The following SPAG16 variants were observed in gnomAD, a reference collection of about 807,000 sequenced individuals.
SPAG16 encodes the protein sperm associated antigen 16.
In SPAG16, 86 loss-of-function variants were observed where a neutral mutation model predicts 80.4. The ratio of observed to expected loss-of-function variants is 1.07; its 90% CI spans 0.90 to 1.28. SPAG16 has a LOEUF of 1.28. SPAG16 is among the 50% of genes most tolerant of loss of function. SPAG16 has a pLI of 0.00. For missense variants in SPAG16, 870 were observed against 765.3 expected, an observed-to-expected ratio of 1.14 and a Z score of -1.61; for synonymous variants, 294 against 265.9, an observed-to-expected ratio of 1.11 and a Z score of -1.03.
At chr2:214,319,324 A>T (rs1264648141) in intron 15 of SPAG16, among the ~76,000 whole-genome samples, 1 of 152,122 alleles carries the variant, frequency 6.6e-6, no homozygotes, top group Non-Finnish European at 1.5e-5. Context: ...ATGCACTAAG[A>T]GACGCAGAGA....
chr2:213,849,604 T>C (rs1190867233), intron 10 of SPAG16, among the ~76,000 whole-genome samples: 1 of 152,232 alleles, frequency 6.6e-6, no homozygotes, highest in Non-Finnish European at 1.5e-5. Context: ...AAGTGAATTC[T>C]ATACTATACC....
intron 15 of SPAG16, among the ~76,000 whole-genome samples, chr2:214,332,145 G>T (rs1169798639): frequency 1.3e-5 from 2 of 152,134 alleles, no homozygotes; most frequent in African/African-American, 4.8e-5. Context: ...CCAGCTAGTT[G>T]GGAGGCTGAA....
chr2:214,122,153 A>T (rs961294404), intron 14 of SPAG16, among the ~76,000 whole-genome samples: 1 of 151,790 alleles, frequency 6.6e-6, no homozygotes, highest in Admixed American at 6.6e-5. Flanking sequence ...TAAACTTGCC[A>T]TACATATTTT....
intron 12 of SPAG16, among the ~76,000 whole-genome samples, chr2:213,939,475 G>T (rs948581189): frequency 3.3e-5 from 5 of 152,178 alleles, no homozygotes; most frequent in African/African-American, 1.2e-4. Context: ...GTGAATCCTA[G>T]TTCTCTATTA....
At chr2:214,151,460 G>A (rs529929822) in intron 15 of SPAG16, among the ~76,000 whole-genome samples, 2 of 152,048 alleles carry the variant, frequency 1.3e-5, no homozygotes, top group Admixed American at 6.6e-5. Context: ...TTAAAGAGAA[G>A]TGTAACAAAA....
chr2:214,088,333 T>C (rs1318885513), intron 13 of SPAG16, among the ~76,000 whole-genome samples: 1 of 142,028 alleles, frequency 7.0e-6, no homozygotes, highest in African/African-American at 2.5e-5. Context: ...CATCTGCATA[T>C]GCAGTTTGAA....
intron 10 of SPAG16, among the ~76,000 whole-genome samples, chr2:213,713,963 A>T (rs1180448383): frequency 6.6e-6 from 1 of 152,214 alleles, no homozygotes; most frequent in African/African-American, 2.4e-5. Flanking sequence ...AAGAACAATG[A>T]TAACAAACTA....
At chr2:214,199,980 T>C (rs1287238396) in intron 15 of SPAG16, among the ~76,000 whole-genome samples, 1 of 152,128 alleles carries the variant, frequency 6.6e-6, no homozygotes, top group African/African-American at 2.4e-5. Flanking sequence ...AATTCGCTGA[T>C]CAGATCTAGG....
intron 13 of SPAG16, among the ~76,000 whole-genome samples, chr2:214,087,924 A>T (rs2051889614): frequency 6.6e-6 from 1 of 152,172 alleles, no homozygotes; most frequent in Non-Finnish European, 1.5e-5. Context: ...TATTCTGCAC[A>T]AATTAGAAAA....
chr2:213,732,005 A>T (rs1574971060), intron 10 of SPAG16, among the ~76,000 whole-genome samples: 1 of 152,048 alleles, frequency 6.6e-6, no homozygotes, highest in Admixed American at 6.6e-5. Context: ...TATGTTCTGA[A>T]TGGTATCTCC....
At chr2:213,526,599 C>G (rs1486559807) in intron 10 of SPAG16, among the ~76,000 whole-genome samples, 2 of 152,150 alleles carry the variant, frequency 1.3e-5, no homozygotes, top group African/African-American at 4.8e-5. Flanking sequence ...TTTTTGGCAT[C>G]TCTTTGTTGA....
intron 12 of SPAG16, among the ~76,000 whole-genome samples, chr2:214,000,805 C>T (rs974976986): frequency 8.5e-5 from 13 of 152,274 alleles, no homozygotes; most frequent in South Asian, 4.2e-4. Flanking sequence ...GCAAGCTCTG[C>T]GCATGAGGAA....
At chr2:213,387,540 C>T (rs922758095) in intron 9 of SPAG16, among the ~76,000 whole-genome samples, 2 of 55,654 alleles carry the variant, frequency 3.6e-5, no homozygotes, top group Non-Finnish European at 6.4e-5. Context: ...CTGCAAGCTC[C>T]GCCTCCCGGG....
chr2:213,956,126 T>G lies in SPAG16; in HGVS notation c.1400+25981T>G, dbSNP rs2044117870. On this transcript the variant is annotated intron_variant, in intron 12 of 15. Transcript: ENST00000331683. ...ATTCACCACCATGCCTGGCTAATTTTTGTATTATTAGTAGAGATGGGGTTT... is the reference window on the plus strand; with the variant it reads ...ATTCACCACCATGCCTGGCTAATTTGTGTATTATTAGTAGAGATGGGGTTT... Among the ~76,000 whole-genome samples the G allele has an allele frequency of 2.0e-5, 3 of 151,834 alleles. No individual in the cohort carries two copies. The South Asian group carries it at 6.2e-4, about 32-fold the overall frequency.
chr2:214,159,022 G>T (rs1016522550), intron 15 of SPAG16, among the ~76,000 whole-genome samples: 1 of 151,906 alleles, frequency 6.6e-6, no homozygotes, highest in Non-Finnish European at 1.5e-5. Context: ...TATGTGGCAA[G>T]TATGAGAAAT....
At chr2:214,335,218 G>A (rs1346691409) in intron 15 of SPAG16, among the ~76,000 whole-genome samples, 1 of 152,092 alleles carries the variant, frequency 6.6e-6, no homozygotes, top group East Asian at 1.9e-4. Flanking sequence ...CAAGGAAGCT[G>A]TCTTTGGCCA....
At chr2:213,672,355 T>G (rs1213073837) in intron 10 of SPAG16, among the ~76,000 whole-genome samples, 1 of 152,202 alleles carries the variant, frequency 6.6e-6, no homozygotes, top group African/African-American at 2.4e-5. Flanking sequence ...TTTCCTTTCC[T>G]TCCTCCCTTC....
intron 12 of SPAG16, among the ~76,000 whole-genome samples, chr2:213,983,926 T>G (rs964224238): frequency 6.6e-6 from 1 of 152,072 alleles, no homozygotes; most frequent in Admixed American, 6.6e-5. Flanking sequence ...CAAGTCATTA[T>G]AAATTCCTGC....
At chr2:213,768,360 C>T (rs2069058046) in intron 10 of SPAG16, among the ~76,000 whole-genome samples, 1 of 152,062 alleles carries the variant, frequency 6.6e-6, no homozygotes, top group African/African-American at 2.4e-5. Context: ...AACACCAGTG[C>T]CAAGAGTGGA....
Sources: gnomAD v4.1 joint callset for allele counts (sites outside exome capture counted in the v4.1 genomes callset) on GRCh38, gnomAD v4.1.1 for gene constraint, MANE v1.5 for transcripts, NCBI Gene and HGNC (gene_info 2026-07-23, HGNC 2026-07-21) for gene names.